UFL1: variants seen among roughly 807,000 people sequenced by gnomAD.
UFL1 encodes the protein E3 UFM1-protein ligase 1.
In UFL1, 78 loss-of-function variants were observed where a neutral mutation model predicts 99.3. That is an observed-to-expected ratio of 0.79 (90% CI 0.65 to 0.95). UFL1 has a LOEUF of 0.95. Ranked by LOEUF, UFL1 falls within the 40% of genes least tolerant of loss-of-function variation. The pLI is 0.00. For missense variants in UFL1, 936 were observed against 937.0 expected (o/e 1.00, Z 0.01); for synonymous variants, 335 against 322.2 (o/e 1.04, Z -0.42).
At position 96,528,372 on chromosome 6, in the gene UFL1, A is replaced by G. The variant is rs796915800; in HGVS notation, c.466-130A>G. ...CTTTAGTTGATATATCTTGTAATCT[A>G]TGCTTGTTGAAACTTCTCAATCACA... On this transcript the variant is annotated intron_variant, in intron 5 of 18. Coordinates refer to ENST00000369278, the MANE Select transcript of UFL1 (RefSeq NM_015323.5). 69 of 1,084,186 alleles carry G rather than the reference A, an allele frequency of 6.4e-5. No individual in the cohort carries two copies. The African/African-American group carries it at 9.6e-4, about 15-fold the overall frequency. The allele number at this position is 1,084,186 out of a possible 1,614,324, so 67.2% of individuals were successfully genotyped here. A position where few individuals can be genotyped will look rare whatever the true frequency, so the allele number is the denominator to read the frequency against.
intron 11 of UFL1, 149 bp downstream of exon 11, chr6:96,540,804 T>TGTTAA (rs1226054885): frequency 1.1e-6 from 1 of 931,780 alleles, no homozygotes; most frequent in East Asian, 3.1e-5. Flanking sequence ...TTTGCTAATG[T>TGTTAA]GTTAAGTTTT....
In UFL1 at chr6:96,554,494, A is replaced by G. The variant is rs544638560; in HGVS notation, c.*991A>G. ...TAAAGATTATTAGTTAAAAATAACT[A>G]AAAGAGTTCCTTAGAGTAATCATTT... On this transcript the variant is annotated 3_prime_UTR_variant, in exon 19 of 19. Coordinates refer to ENST00000369278, the MANE Select transcript of UFL1 (RefSeq NM_015323.5). 2.9e-3 allele frequency: 442 copies of G among 152,196 alleles called. 1 individual carries two copies. Among genetic ancestry groups the G allele is most frequent in the African/African-American group, 0.01 (418 of 41,568 alleles). The allele number at this position is 152,196 out of a possible 1,614,324, so 9.4% of individuals were successfully genotyped here.
In UFL1 at chr6:96,534,269, A is replaced by C; in HGVS notation, c.603A>C (p.Thr201=). 1 of 1,570,548 alleles carries C rather than the reference A, an allele frequency of 6.4e-7. No homozygotes were observed. Among genetic ancestry groups the C allele is most frequent in the Non-Finnish European group, 8.6e-7 (1 of 1,162,836 alleles). ...RGLFSAITRP[T]AVNSLISKYG... is the part of the protein sequence containing the mutation. ...TTTTTAACTTTCCATAAAGGCCTAC[A>C]GCTGTGAATTCTTTGATTTCAAAAT... Residue 201 remains threonine (T), a synonymous_variant, in exon 7 of 19, where the codon ACA becomes ACC. Coordinates refer to ENST00000369278, the MANE Select transcript of UFL1 (RefSeq NM_015323.5).
Position 96,551,909 on chromosome 6 carries a change from CAAAA to C in UFL1, c.1975_1978del (p.Lys659GlyfsTer17). ...GTGATATTATGGTGAAAAGGGGAGACAAAAAAAGGGAAAGGTAACATTAAATTAA... is the reference window on the plus strand; with the variant it reads ...GTGATATTATGGTGAAAAGGGGAGACAAAGGGAAAGGTAACATTAAATTAA... On this transcript the variant is annotated frameshift_variant, in exon 17 of 19. Transcript: ENST00000369278. LOFTEE classifies it high-confidence loss of function. 1 of 1,596,138 alleles carries C rather than the reference CAAAA, an allele frequency of 6.3e-7. No individual in the cohort carries two copies. Among genetic ancestry groups the C allele is most frequent in the South Asian group, 1.1e-5 (1 of 88,776 alleles).
rs1468835858 is a variant in UFL1 at position 96,554,567 on chromosome 6, G to C, written c.*1064G>C. 1 of 151,472 alleles carries C rather than the reference G, an allele frequency of 6.6e-6. No homozygotes were observed. Among genetic ancestry groups the C allele is most frequent in the African/African-American group, 2.4e-5 (1 of 41,278 alleles). The allele number at this position is 151,472 out of a possible 1,614,324, so 9.4% of individuals were successfully genotyped here. ...CAACTTACTTACTATTTATCAAAAA[G>C]GGATTTAATTATTTTGAATATAATT... On this transcript the variant is annotated 3_prime_UTR_variant, in exon 19 of 19. Transcript: ENST00000369278.
chr6:96,553,106 A>C (rs1049444197), intron 18 of UFL1, among the ~76,000 whole-genome samples, 179 bp from the exon 19 acceptor site: 10 of 152,040 alleles, frequency 6.6e-5, no homozygotes, highest in Non-Finnish European at 1.3e-4. Flanking sequence ...TTCATGTTTT[A>C]TCTCTCCTAA....
At position 96,524,341 on chromosome 6, in the gene UFL1, G is replaced by A. The variant is rs551741041; in HGVS notation, c.224-41G>A. 7 of 1,565,828 alleles carry A rather than the reference G, an allele frequency of 4.5e-6. No individual in the cohort carries two copies. In the South Asian group the frequency reaches 4.8e-5, roughly 11 times the overall value. ...TTTATAGCTTTGGGTTGGTATGTAC[G>A]CATAGATCATTTAAAATAAATGAAT... On this transcript the variant is annotated intron_variant, in intron 2 of 18. Transcript: ENST00000369278.
chr6:96,532,668 G>A (rs1293188476), intron 6 of UFL1, among the ~76,000 whole-genome samples: 1 of 152,108 alleles, frequency 6.6e-6, no homozygotes, highest in Non-Finnish European at 1.5e-5. Context: ...ATTTATACAT[G>A]TCTTCTCCTT....
At chr6:96,550,305 C>T (rs890991106) in intron 15 of UFL1, among the ~76,000 whole-genome samples, 6 of 151,856 alleles carry the variant, frequency 4.0e-5, no homozygotes, top group African/African-American at 1.5e-4. Flanking sequence ...ACCCCTCCTT[C>T]TCCTTCTCTT....
chr6:96,524,601 G>A (rs1769673619), intron 3 of UFL1, among the ~76,000 whole-genome samples, 191 bp downstream of exon 3: 1 of 152,064 alleles, frequency 6.6e-6, no homozygotes, highest in African/African-American at 2.4e-5. Flanking sequence ...AATAAATTCG[G>A]ATTTATTGAA....
At chr6:96,552,685 G>C in intron 18 of UFL1, 23 bp downstream of exon 18, 1 of 1,565,490 alleles carries the variant, frequency 6.4e-7, no homozygotes, top group Non-Finnish European at 8.6e-7. Flanking sequence ...CAATACACTT[G>C]AAACTTTCAA....
intron 12 of UFL1, among the ~76,000 whole-genome samples, chr6:96,547,863 C>CA (rs1770021936): frequency 1.3e-5 from 2 of 151,342 alleles, no homozygotes; most frequent in Non-Finnish European, 1.5e-5. Context: ...CTAATAGGTA[C>CA]AATGTTCACT....
chr6:96,553,517 C>T lies in UFL1; in HGVS notation c.*14C>T, dbSNP rs769389257. The T allele has an allele frequency of 1.9e-6, 3 of 1,608,820 alleles. No homozygotes were observed. The South Asian group carries it at 3.3e-5, about 18-fold the overall frequency. On this transcript the variant is annotated 3_prime_UTR_variant, in exon 19 of 19. Transcript: ENST00000369278. ...ACGGAAGAGTAATGATCTTAATTTA[C>T]ATTTGTCATATAGTAAGCATTTTCC...
chr6:96,548,639 T>C (rs1351069347), intron 13 of UFL1, among the ~76,000 whole-genome samples: 1 of 151,688 alleles, frequency 6.6e-6, no homozygotes, highest in Non-Finnish European at 1.5e-5. Flanking sequence ...GAAAAGATAA[T>C]TTTCTATTTT....
chr6:96,545,799 A>G (rs1402695916), intron 12 of UFL1, among the ~76,000 whole-genome samples: 1 of 151,222 alleles, frequency 6.6e-6, no homozygotes, highest in East Asian at 1.9e-4. Context: ...GAAGTTAGAA[A>G]ATGATCACAT....
intron 11 of UFL1, among the ~76,000 whole-genome samples, chr6:96,542,517 AAC>A (rs964785109): frequency 4.0e-5 from 6 of 151,346 alleles, no homozygotes; most frequent in African/African-American, 1.5e-4. Flanking sequence ...AGGCTGTGGT[AAC>A]ACAGATGAGC....
At chr6:96,536,449 A>C in intron 8 of UFL1, 59 bp downstream of exon 8, 1 of 1,399,724 alleles carries the variant, frequency 7.1e-7, no homozygotes, top group Non-Finnish European at 9.9e-7. Context: ...TCATTCTTTA[A>C]AAGTATTATA....
At chr6:96,536,696 C>T (rs555639977) in intron 8 of UFL1, among the ~76,000 whole-genome samples, 11 of 151,524 alleles carry the variant, frequency 7.3e-5, no homozygotes, top group Non-Finnish European at 5.9e-5. Flanking sequence ...TGGTAGTAAT[C>T]GCTGCCAATC....
intron 5 of UFL1, among the ~76,000 whole-genome samples, 159 bp from the exon 6 acceptor site, chr6:96,528,343 T>G (rs1008002311): frequency 1.3e-5 from 2 of 152,230 alleles, no homozygotes; most frequent in African/African-American, 4.8e-5. Flanking sequence ...ACACTGAATC[T>G]TCACTTTAGT....
Sources: gnomAD v4.1 joint callset for allele counts (sites outside exome capture counted in the v4.1 genomes callset) on GRCh38, gnomAD v4.1.1 for gene constraint, MANE v1.5 for transcripts, NCBI Gene and HGNC (gene_info 2026-07-23, HGNC 2026-07-21) for gene names.